SORCS2: variants seen among roughly 807,000 people sequenced by gnomAD.
SORCS2 encodes VPS10 domain-containing receptor SorCS2.
A neutral mutation model predicts 141.6 loss-of-function variants in SORCS2; 100 were observed. That is an observed-to-expected ratio of 0.71 (90% CI 0.60 to 0.83). The LOEUF is 0.83. Ranked by LOEUF, SORCS2 falls within the 40% of genes least tolerant of loss-of-function variation. The pLI is 0.00. For synonymous variants in SORCS2, 789 were observed against 676.9 expected (o/e 1.17, Z -2.57); for missense variants, 1,646 against 1,560.2 (o/e 1.05, Z -0.93).
At chr4:7,491,222 C>T (rs919164171) in intron 2 of SORCS2, among the ~76,000 whole-genome samples, 1 of 152,178 alleles carries the variant, frequency 6.6e-6, no homozygotes, top group East Asian at 1.9e-4. Context: ...CATGCTGTTC[C>T]CTTTGCCCTC....
chr4:7,528,626 A>T lies in SORCS2; in HGVS notation c.549-2904A>T, dbSNP rs145561996. On this transcript the variant is annotated intron_variant, in intron 2 of 26. Transcript: ENST00000507866. ...TTTTTAGTAGAGACGAGGTTTCACCATGTTGGCCAGTCTGGTCTGAAACTC... is the reference window on the plus strand; with the variant it reads ...TTTTTAGTAGAGACGAGGTTTCACCTTGTTGGCCAGTCTGGTCTGAAACTC... Among the ~76,000 whole-genome samples, 5 of 152,084 alleles carry T rather than the reference A, an allele frequency of 3.3e-5. No individual in the cohort carries two copies. The East Asian group carries it at 9.7e-4, about 29-fold the overall frequency.
chr4:7,457,369 G>A lies in SORCS2; in HGVS notation c.548+61014G>A, dbSNP rs557115881. On this transcript the variant is annotated intron_variant, in intron 2 of 26. Coordinates refer to ENST00000507866, the MANE Select transcript of SORCS2 (RefSeq NM_020777.3). The stretch of plus-strand genomic sequence containing the variant: ...GGAGGGACAACAGCACCTGGGCCCC[G>A]AGTGGCTTTTGGCCAGGGAGCCGCG... 1.4e-4 allele frequency among the ~76,000 whole-genome samples: 21 copies of A among 152,356 alleles called. No homozygotes were observed. The South Asian group carries it at 2.1e-3, about 15-fold the overall frequency.
chr4:7,248,187 G>A (rs147255322), intron 1 of SORCS2, among the ~76,000 whole-genome samples: 106 of 152,332 alleles, frequency 7.0e-4, no homozygotes, highest in Middle Eastern at 3.4e-3. Flanking sequence ...GGCTGCTCTC[G>A]GGAAAGCTGG....
chr4:7,644,813 T>G (rs1720967913), intron 4 of SORCS2, among the ~76,000 whole-genome samples: 1 of 152,222 alleles, frequency 6.6e-6, no homozygotes, highest in Non-Finnish European at 1.5e-5. Flanking sequence ...CTCCACTGCT[T>G]TCTGAGATGT....
intron 2 of SORCS2, chr4:7,460,077 C>T (rs1259838643): frequency 8.6e-6 from 1 of 116,776 alleles, no homozygotes; most frequent in Non-Finnish European, 1.8e-5. Context: ...GCTCCTCTAC[C>T]TTGTCAGGTG....
chr4:7,364,132 A>ACAT lies in SORCS2; in HGVS notation c.481-32143_481-32141dup, dbSNP rs1348804325. On this transcript the variant is annotated intron_variant, in intron 1 of 26. Coordinates refer to ENST00000507866, the MANE Select transcript of SORCS2 (RefSeq NM_020777.3). Reference sequence around the variant, plus strand: ...TGTCACCATCACCACCACCACCACCACATCATCATCATCATTATTGTCATC... The same window carrying ACAT: ...TGTCACCATCACCACCACCACCACCACATCATCATCATCATCATTATTGTCATC... Among the ~76,000 whole-genome samples the ACAT allele has an allele frequency of 7.3e-5, 11 of 151,616 alleles. No homozygotes were observed. In the East Asian group the frequency reaches 1.2e-3, roughly 16 times the overall value.
intron 1 of SORCS2, among the ~76,000 whole-genome samples, chr4:7,360,413 C>G (rs1209941042): frequency 6.6e-6 from 1 of 151,914 alleles, no homozygotes; most frequent in African/African-American, 2.4e-5. Flanking sequence ...CCAGCAGGTC[C>G]TACCTCCCAT....
chr4:7,313,550 G>T lies in SORCS2; in HGVS notation c.481-82738G>T, dbSNP rs141608758. Among the ~76,000 whole-genome samples, 769 of 152,332 alleles carry T rather than the reference G, an allele frequency of 5.0e-3. 2 individuals carry two copies. The highest frequency in any genetic ancestry group is 8.2e-3 in the Non-Finnish European group (559 of 68,026). On this transcript the variant is annotated intron_variant, in intron 1 of 26. Coordinates refer to ENST00000507866, the MANE Select transcript of SORCS2 (RefSeq NM_020777.3). ...GGCACGGGGAGGAAGGAGGGGCTGAGCCCGGGGACAGACAGAAAGACCTCT... is the reference window on the plus strand; with the variant it reads ...GGCACGGGGAGGAAGGAGGGGCTGATCCCGGGGACAGACAGAAAGACCTCT...
chr4:7,471,618 G>A lies in SORCS2; in HGVS notation c.549-59912G>A, dbSNP rs898915751. 5.9e-5 allele frequency among the ~76,000 whole-genome samples: 9 copies of A among 152,336 alleles called. No homozygotes were observed. In the East Asian group the frequency reaches 9.7e-4, roughly 16 times the overall value. On this transcript the variant is annotated intron_variant, in intron 2 of 26. Coordinates refer to ENST00000507866, the MANE Select transcript of SORCS2 (RefSeq NM_020777.3). ...CTGGACTCATCAGAGCAAACTGTCC[G>A]GGACACAGGGAGAGGGTGGAACCAG...
chr4:7,648,390 A>T lies in SORCS2; in HGVS notation c.814-5744A>T, dbSNP rs1018038048. Among the ~76,000 whole-genome samples, 6 of 152,068 alleles carry T rather than the reference A, an allele frequency of 3.9e-5. No homozygotes were observed. Among genetic ancestry groups the T allele is most frequent in the Non-Finnish European group, 8.8e-5 (6 of 67,994 alleles). The stretch of plus-strand genomic sequence containing the variant: ...CTTCCTGGCAGGAGAGGATCCTGGA[A>T]GGGGGATGTGTGGCATGAGCCTCAG... On this transcript the variant is annotated intron_variant, in intron 4 of 26. Coordinates refer to ENST00000507866, the MANE Select transcript of SORCS2 (RefSeq NM_020777.3). The surrounding 1 kb of genome is among the most constrained non-coding windows in gnomAD (Gnocchi z 4.2).
chr4:7,667,150 C>T lies in SORCS2; in HGVS notation c.1098C>T (p.Tyr366=). The part of the protein sequence containing the change: ...FKATSANQTK[Y]YVSYRRNEFV... Reference sequence around the variant, plus strand: ...CAACATCAGCAAACCAGACAAAATACTACGTCTCTTATCGTCGAAATGAAT... The same window carrying T: ...CAACATCAGCAAACCAGACAAAATATTACGTCTCTTATCGTCGAAATGAAT... Residue 366 remains tyrosine (Y), a synonymous_variant, in exon 8 of 27, where the codon TAC becomes TAT. Transcript: ENST00000507866. 6.2e-7 allele frequency: 1 copy of T among 1,613,708 alleles called. No homozygotes were observed. The highest frequency in any genetic ancestry group is 8.5e-7 in the Non-Finnish European group (1 of 1,179,650).
chr4:7,402,009 A>G (rs1724624934), intron 2 of SORCS2, among the ~76,000 whole-genome samples: 1 of 152,176 alleles, frequency 6.6e-6, no homozygotes, highest in South Asian at 2.1e-4. Flanking sequence ...ATAATCCATC[A>G]TTGCCTTCTT....
chr4:7,736,006 C>T (rs748768902), intron 25 of SORCS2, among the ~76,000 whole-genome samples: 1 of 152,250 alleles, frequency 6.6e-6, no homozygotes, highest in Non-Finnish European at 1.5e-5. Flanking sequence ...ACTCCAGTCT[C>T]TGGGAGCTTG....
chr4:7,574,208 A>G (rs544701251), intron 3 of SORCS2, among the ~76,000 whole-genome samples: 16 of 152,376 alleles, frequency 1.1e-4, no homozygotes, highest in African/African-American at 3.6e-4. Context: ...TTGCGGCCCC[A>G]GGACGGGACT....
At chr4:7,471,486 G>A (rs751691537) in intron 2 of SORCS2, among the ~76,000 whole-genome samples, 6 of 152,232 alleles carry the variant, frequency 3.9e-5, no homozygotes, top group Non-Finnish European at 7.3e-5. Context: ...TACAGTGCAG[G>A]CTGGACAGCT....
In SORCS2 at chr4:7,304,634, G is replaced by A. The variant is rs540467610; in HGVS notation, c.481-91654G>A. 1.1e-3 allele frequency among the ~76,000 whole-genome samples: 165 copies of A among 152,298 alleles called. 1 individual carries two copies. The highest frequency in any genetic ancestry group is 2.0e-3 in the Non-Finnish European group (139 of 68,040). On this transcript the variant is annotated intron_variant, in intron 1 of 26. Coordinates refer to ENST00000507866, the MANE Select transcript of SORCS2 (RefSeq NM_020777.3). Reference sequence around the variant, plus strand: ...TCTTAGCCCTCGATTCTTCCTCTCAGAGCTGCACCTTGAGCTGAGTGGAGG... The same window carrying A: ...TCTTAGCCCTCGATTCTTCCTCTCAAAGCTGCACCTTGAGCTGAGTGGAGG...
Position 7,256,337 on chromosome 4 carries a change from T to C in SORCS2, c.480+63211T>C, listed in dbSNP as rs78320921. 7.8e-3 allele frequency among the ~76,000 whole-genome samples: 1,192 copies of C among 152,262 alleles called. 21 individuals carry two copies. Among genetic ancestry groups the C allele is most frequent in the African/African-American group, 0.027 (1,115 of 41,542 alleles). ...ATTCTAGAGAATCTGGAAGTCTGTA[T>C]TGTAGGGGGCTTTCCTGGTTTTAAA... On this transcript the variant is annotated intron_variant, in intron 1 of 26. Transcript: ENST00000507866.
At chr4:7,279,691 C>G (rs559891793) in intron 1 of SORCS2, among the ~76,000 whole-genome samples, 1 of 152,216 alleles carries the variant, frequency 6.6e-6, no homozygotes, top group South Asian at 2.1e-4. Flanking sequence ...CGCGGAATTA[C>G]AGGGAGGTAC....
At chr4:7,274,020 C>T (rs1030970182) in intron 1 of SORCS2, among the ~76,000 whole-genome samples, 7 of 152,224 alleles carry the variant, frequency 4.6e-5, no homozygotes, top group African/African-American at 1.4e-4. Flanking sequence ...TTTTAACATC[C>T]CTGACTCTAG....
Sources: gnomAD v4.1 joint callset for allele counts (sites outside exome capture counted in the v4.1 genomes callset) on GRCh38, gnomAD v4.1.1 for gene constraint, Gnocchi (gnomAD v3.1) non-coding constraint, MANE v1.5 for transcripts, NCBI Gene and HGNC (gene_info 2026-07-23, HGNC 2026-07-21) for gene names.